Variants in SPON1 observed in about 807,000 individuals in gnomAD.
SPON1 encodes spondin-1.
In SPON1, 52 loss-of-function variants were observed where a neutral mutation model predicts 111.7. The ratio of observed to expected loss-of-function variants is 0.47; its 90% confidence interval spans 0.37 to 0.59. SPON1 has a LOEUF of 0.59. Ranked by LOEUF, SPON1 falls within the 20% of genes least tolerant of loss-of-function variation. The pLI is 0.00. For synonymous variants in SPON1, 410 were observed against 395.8 expected (o/e 1.04, Z -0.43); for missense variants, 957 against 1,068.5 (o/e 0.90, Z 1.46).
chr11:13,966,526 G>C (rs531166517), intron 1 of SPON1, among the ~76,000 whole-genome samples: 1 of 152,322 alleles, frequency 6.6e-6, no homozygotes, highest in East Asian at 1.9e-4. Flanking sequence ...TTTCCTAGAT[G>C]TATTTTAAAG....
intron 6 of SPON1, among the ~76,000 whole-genome samples, chr11:14,213,753 G>A (rs192218898): frequency 2.7e-4 from 41 of 152,304 alleles, no homozygotes; most frequent in Admixed American, 2.6e-3. Flanking sequence ...CAGTACATAA[G>A]CCACGCTGTA....
intron 1 of SPON1, among the ~76,000 whole-genome samples, chr11:13,969,580 G>T (rs1285090559): frequency 1.3e-5 from 2 of 152,124 alleles, no homozygotes; most frequent in Non-Finnish European, 2.9e-5. Context: ...ACCCACTGGG[G>T]TATACATTCA....
At chr11:14,104,613 A>G (rs1312311578) in intron 5 of SPON1, among the ~76,000 whole-genome samples, 1 of 151,918 alleles carries the variant, frequency 6.6e-6, no homozygotes, top group Non-Finnish European at 1.5e-5. Context: ...ATCTGCTTTT[A>G]TTCTAACAAT....
intron 6 of SPON1, among the ~76,000 whole-genome samples, chr11:14,231,033 G>A (rs545120470): frequency 6.6e-6 from 1 of 152,016 alleles, no homozygotes; most frequent in African/African-American, 2.4e-5. Flanking sequence ...GGCTGGTCTC[G>A]AATTCTTGGA....
intron 2 of SPON1, among the ~76,000 whole-genome samples, chr11:13,988,984 A>G (rs1848207165): frequency 6.6e-6 from 1 of 152,168 alleles, no homozygotes; most frequent in African/African-American, 2.4e-5. Context: ...ATCGATGTTC[A>G]TCAGAGATAT....
chr11:14,045,160 C>T (rs1848658848), intron 3 of SPON1, among the ~76,000 whole-genome samples: 1 of 152,150 alleles, frequency 6.6e-6, no homozygotes, highest in Admixed American at 6.5e-5. Flanking sequence ...AACAAGAGAG[C>T]CTAAATCTTT....
chr11:14,174,546 T>G (rs1281231841), intron 6 of SPON1, among the ~76,000 whole-genome samples: 1 of 150,924 alleles, frequency 6.6e-6, no homozygotes, highest in African/African-American at 2.4e-5. Flanking sequence ...ACAGAGGGGT[T>G]TTTTTTTTCC....
At chr11:14,261,746 CT>C (rs782798201) in intron 14 of SPON1, among the ~76,000 whole-genome samples, 4 of 152,084 alleles carry the variant, frequency 2.6e-5, no homozygotes, top group African/African-American at 9.7e-5. Context: ...AGCCTTCTGA[CT>C]TAGAGTGCCT....
At chr11:14,260,835 T>C (rs1220363701) in intron 14 of SPON1, 83 bp downstream of exon 14, 1 of 1,423,526 alleles carries the variant, frequency 7.0e-7, no homozygotes, top group East Asian at 2.3e-5. Context: ...CTAATACTGC[T>C]AGATCCTAGA....
intron 6 of SPON1, among the ~76,000 whole-genome samples, chr11:14,152,696 G>A (rs956682980): frequency 1.1e-4 from 16 of 152,100 alleles, no homozygotes; most frequent in Non-Finnish European, 1.9e-4. Context: ...AGAAACACAG[G>A]TACTTTCATA....
intron 6 of SPON1, among the ~76,000 whole-genome samples, chr11:14,191,660 A>C (rs2133892054): frequency 6.6e-6 from 1 of 152,298 alleles, no homozygotes; most frequent in Admixed American, 6.5e-5. Context: ...AAAACCCATC[A>C]AGAGAATTGT....
At chr11:14,224,502 C>G (rs1282051104) in intron 6 of SPON1, among the ~76,000 whole-genome samples, 1 of 152,142 alleles carries the variant, frequency 6.6e-6, no homozygotes, top group Non-Finnish European at 1.5e-5. Flanking sequence ...ATGGAGGACC[C>G]TGGGTTCAGA....
intron 6 of SPON1, among the ~76,000 whole-genome samples, chr11:14,214,482 T>C (rs997829280): frequency 1.3e-5 from 2 of 152,206 alleles, no homozygotes; most frequent in African/African-American, 2.4e-5. Flanking sequence ...TCCAAAGATA[T>C]TAAGAGGAGA....
At chr11:14,139,188 A>T (rs1233429424) in intron 6 of SPON1, among the ~76,000 whole-genome samples, 1 of 152,210 alleles carries the variant, frequency 6.6e-6, no homozygotes, top group East Asian at 1.9e-4. Context: ...GGGCATACAG[A>T]ACCTCTTTCA....
intron 7 of SPON1, among the ~76,000 whole-genome samples, chr11:14,247,298 T>C (rs1478950735): frequency 1.3e-5 from 2 of 152,128 alleles, no homozygotes; most frequent in Non-Finnish European, 2.9e-5. Context: ...TGGTCTCAGC[T>C]ACCTGGGAGG....
At chr11:14,157,499 T>C (rs1847862310) in intron 6 of SPON1, among the ~76,000 whole-genome samples, 2 of 152,152 alleles carry the variant, frequency 1.3e-5, no homozygotes, top group Non-Finnish European at 1.5e-5. Context: ...TTTTACTACA[T>C]AGGTAGGCAT....
intron 6 of SPON1, among the ~76,000 whole-genome samples, chr11:14,206,738 A>G (rs1848520987): frequency 1.3e-5 from 2 of 152,252 alleles, no homozygotes; most frequent in African/African-American, 4.8e-5. Context: ...CACAGATGAC[A>G]CAAACAAATG....
chr11:14,236,165 T>A (rs978824745), intron 6 of SPON1, among the ~76,000 whole-genome samples: 1 of 150,428 alleles, frequency 6.6e-6, no homozygotes, highest in Non-Finnish European at 1.5e-5. Context: ...GGAGGGGAGG[T>A]AGAGAGACCT....
intron 6 of SPON1, among the ~76,000 whole-genome samples, chr11:14,185,070 T>C (rs1201114871): frequency 1.2e-4 from 18 of 152,218 alleles, no homozygotes; most frequent in Admixed American, 9.2e-4. Context: ...CACATGAATC[T>C]CTTGTGCAAC....
Sources: gnomAD v4.1 joint callset for allele counts (sites outside exome capture counted in the v4.1 genomes callset) on GRCh38, gnomAD v4.1.1 for gene constraint, MANE v1.5 for transcripts, NCBI Gene and HGNC (gene_info 2026-07-23, HGNC 2026-07-21) for gene names.